EXOSC10: variants seen among roughly 807,000 people sequenced by gnomAD.
The protein encoded by EXOSC10 is exosome complex component 10.
In EXOSC10, 94 loss-of-function variants were observed where a neutral mutation model predicts 126.6. That is an observed-to-expected ratio of 0.74 (90% CI 0.63 to 0.88). The LOEUF is 0.88. Among genes scored for constraint, EXOSC10 ranks in the 40% least tolerant of loss-of-function variants. EXOSC10 has a pLI of 0.00. For missense variants in EXOSC10, 1,041 were observed against 1,100.5 expected, an observed-to-expected ratio of 0.95 and a Z score of 0.77; for synonymous variants, 395 against 400.8, an observed-to-expected ratio of 0.99 and a Z score of 0.17.
chr1:11,099,583 G>A (rs1641315068), intron 1 of EXOSC10, 138 bp downstream of exon 1: 4 of 907,168 alleles, frequency 4.4e-6, no homozygotes, highest in East Asian at 2.9e-5. Flanking sequence ...AGGAGAGTCT[G>A]CGCCCAGCGC....
chr1:11,074,107 C>T (rs1639679558), intron 18 of EXOSC10, 99 bp from the exon 19 acceptor site: 13 of 1,391,002 alleles, frequency 9.3e-6, no homozygotes, highest in Non-Finnish European at 1.2e-5. Flanking sequence ...GCCTTGTCAG[C>T]GTCTTTGCCA....
intron 14 of EXOSC10, among the ~76,000 whole-genome samples, chr1:11,078,581 C>CA (rs1260021227): frequency 6.6e-5 from 10 of 151,754 alleles, no homozygotes; most frequent in South Asian, 2.1e-4. Flanking sequence ...ACAACAACAA[C>CA]AACAAAAAAA....
At chr1:11,085,648 C>T (rs1640452626) in intron 9 of EXOSC10, among the ~76,000 whole-genome samples, 1 of 152,064 alleles carries the variant, frequency 6.6e-6, no homozygotes, top group Non-Finnish European at 1.5e-5. Flanking sequence ...CCAGAACTTC[C>T]AACACTATGT....
intron 24 of EXOSC10, 49 bp downstream of exon 24, chr1:11,067,959 G>T: frequency 6.4e-7 from 1 of 1,551,640 alleles, no homozygotes; most frequent in Admixed American, 1.7e-5. Context: ...ACGCAGGGCA[G>T]GTGCTTTCTC....
intron 2 of EXOSC10, 85 bp downstream of exon 2, chr1:11,097,935 G>T (rs1641206611): frequency 3.0e-6 from 4 of 1,329,708 alleles, no homozygotes; most frequent in Non-Finnish European, 2.9e-6. Context: ...AATGTTTAAG[G>T]AAAAATAAAT....
rs2100969596 is a variant in EXOSC10 at position 11,077,038 on chromosome 1, C to A, written c.1880-90G>T. On this transcript the variant is annotated intron_variant, in intron 16 of 24. Coordinates refer to ENST00000376936, the MANE Select transcript of EXOSC10 (RefSeq NM_001001998.3). ...TGGAGTTTTAGTGTAGTCCCCTAGGCTGGAGTACAATGGCACAATCTCGGC... is the reference window on the plus strand; with the variant it reads ...TGGAGTTTTAGTGTAGTCCCCTAGGATGGAGTACAATGGCACAATCTCGGC... 3.2e-6 allele frequency: 3 copies of A among 950,584 alleles called. No homozygotes were observed. The East Asian group carries it at 7.4e-5, about 23-fold the overall frequency. The allele number at this position is 950,584 out of a possible 1,614,324, so 58.9% of individuals were successfully genotyped here. A position where few individuals can be genotyped will look rare whatever the true frequency, so the allele number is the denominator to read the frequency against.
rs561870204 is a variant in EXOSC10, at chr1:11,083,095, G to A, written c.1090-217C>T. 8.5e-4 allele frequency among the ~76,000 whole-genome samples: 130 copies of A among 152,218 alleles called. 1 individual carries two copies. Among genetic ancestry groups the A allele is most frequent in the South Asian group, 8.3e-4 (4 of 4,820 alleles). On this transcript the variant is annotated intron_variant, in intron 9 of 24. Transcript: ENST00000376936. ...CCTCCCAAGTAGTTGGGACTACAGC[G>A]TGCCACCACGCCCAGCTAAACTTTG... is the stretch of plus-strand genomic sequence containing the variant.
At chr1:11,069,260 G>GAGAGAGAGAGA (rs1557690891) in intron 22 of EXOSC10, among the ~76,000 whole-genome samples, 4 of 118,772 alleles carry the variant, frequency 3.4e-5, no homozygotes, top group African/African-American at 1.1e-4. Flanking sequence ...AGAGAGAGAG[G>GAGAGAGAGAGA]GTTTATGGGC....
chr1:11,094,529 C>T (rs1189064844), intron 3 of EXOSC10, among the ~76,000 whole-genome samples: 1 of 151,438 alleles, frequency 6.6e-6, no homozygotes, highest in East Asian at 2.0e-4. Context: ...CCCCTGACCT[C>T]AGGTAGGTGG....
chr1:11,067,465 A>C (rs185819085), intron 24 of EXOSC10, among the ~76,000 whole-genome samples: 1 of 144,932 alleles, frequency 6.9e-6, no homozygotes, highest in Non-Finnish European at 1.5e-5. Context: ...TTAGCCGGGC[A>C]TGATGGCAGG....
intron 6 of EXOSC10, among the ~76,000 whole-genome samples, chr1:11,089,470 T>G (rs905733128): frequency 1.3e-5 from 2 of 149,426 alleles, no homozygotes; most frequent in African/African-American, 4.9e-5. Context: ...GATACAAAAT[T>G]AGCCAGGTGT....
chr1:11,099,800 A>C lies in EXOSC10; in HGVS notation c.32T>G (p.Val11Gly). 1.2e-6 allele frequency: 2 copies of C among 1,611,282 alleles called. No individual in the cohort carries two copies. Among genetic ancestry groups the C allele is most frequent in the South Asian group, 1.1e-5 (1 of 90,918 alleles). The change falls in exon 1 of 25, where the codon GTC becomes GGC. Residue 11 changes from valine to glycine, a missense_variant. Physicochemically the swap from Val to Gly is moderately radical, Grantham distance 109. Around this residue, in one of 3 missense-constraint regions of EXOSC10, gnomAD observed 645 missense variants for 656.3 expected, o/e 0.98. Transcript: ENST00000376936. ...TTTGGTTGCGCTGGTCGCCGACAGGACCCTGGGCTCCCGGGTACTGGGTGG... is the reference window on the plus strand; with the variant it reads ...TTTGGTTGCGCTGGTCGCCGACAGGCCCCTGGGCTCCCGGGTACTGGGTGG... The part of the protein sequence containing the change: MAPPSTREPR[V>G]LSATSATKSD...
At chr1:11,071,886 C>A in intron 20 of EXOSC10, 1 of 532,564 alleles carries the variant, frequency 1.9e-6, no homozygotes, top group Non-Finnish European at 3.3e-6. Context: ...AGCTACAGCA[C>A]CTCCAGCACT....
intron 7 of EXOSC10, 85 bp downstream of exon 7, chr1:11,088,038 A>G: frequency 7.6e-7 from 1 of 1,324,332 alleles, no homozygotes; most frequent in Non-Finnish European, 1.1e-6. Flanking sequence ...TCTTCAAGGA[A>G]AGTCAAAATT....
intron 10 of EXOSC10, 118 bp from the exon 11 acceptor site, chr1:11,081,356 G>T: frequency 4.7e-6 from 5 of 1,064,310 alleles, no homozygotes; most frequent in Non-Finnish European, 6.9e-6. Context: ...TCCTTTCATA[G>T]TCAATACTGC....
chr1:11,091,339 G>A (rs971209180), intron 4 of EXOSC10, among the ~76,000 whole-genome samples, 154 bp downstream of exon 4: 2 of 152,210 alleles, frequency 1.3e-5, no homozygotes, highest in African/African-American at 4.8e-5. Flanking sequence ...GAGAAGAAGA[G>A]GGTGTAATTA....
At chr1:11,077,833 T>G (rs909176984) in intron 14 of EXOSC10, among the ~76,000 whole-genome samples, 182 bp from the exon 15 acceptor site, 18 of 152,286 alleles carry the variant, frequency 1.2e-4, no homozygotes, top group East Asian at 1.9e-4. Flanking sequence ...AATAATTATT[T>G]GTAGAATGAA....
At chr1:11,095,485 G>A (rs368083974) in intron 3 of EXOSC10, 69 of 257,742 alleles carry the variant, frequency 2.7e-4, no homozygotes, top group African/African-American at 1.1e-3. Flanking sequence ...AGGCTGAGGC[G>A]GGCGGATCAC....
intron 7 of EXOSC10, 26 bp from the exon 8 acceptor site, chr1:11,087,936 A>G: frequency 6.9e-7 from 1 of 1,442,870 alleles, no homozygotes; most frequent in Non-Finnish European, 9.7e-7. Flanking sequence ...AGTAAGAAAA[A>G]GGGAGGAATA....
Sources: allele counts gnomAD v4.1 joint callset (sites outside exome capture counted in the v4.1 genomes callset), GRCh38; gene constraint gnomAD v4.1.1; regional missense constraint gnomAD v4.1.1; transcripts MANE v1.5; gene names NCBI Gene and HGNC (gene_info 2026-07-23, HGNC 2026-07-21).